Variants in DCC observed in about 807,000 individuals in gnomAD.
The protein encoded by DCC is netrin receptor DCC.
Under a neutral mutation model 172.5 loss-of-function variants are expected in DCC, and 58 were observed. That is an observed-to-expected ratio of 0.34 (90% CI 0.27 to 0.42). The LOEUF is 0.42. Ranked by LOEUF, DCC falls within the 10% of genes least tolerant of loss-of-function variation. The pLI is 1.00. For synonymous variants in DCC, 709 were observed against 644.5 expected (o/e 1.10, Z -1.52); for missense variants, 1,740 against 1,791.0 (o/e 0.97, Z 0.51).
At chr18:52,710,951 G>C in intron 1 of DCC, among the ~76,000 whole-genome samples, 1 of 152,310 alleles carries the variant, frequency 6.6e-6, no homozygotes, top group South Asian at 2.1e-4. Flanking sequence ...TGGGAATTAA[G>C]GCTTACAGAG....
chr18:53,118,487 C>T (rs570345264), intron 7 of DCC, among the ~76,000 whole-genome samples: 4 of 151,792 alleles, frequency 2.6e-5, no homozygotes, highest in Admixed American at 6.6e-5. Flanking sequence ...GTTTCACTGA[C>T]GATTGCCCTT....
chr18:53,366,431 A>C (rs1367464441), intron 15 of DCC, among the ~76,000 whole-genome samples: 1 of 152,144 alleles, frequency 6.6e-6, no homozygotes, highest in Non-Finnish European at 1.5e-5. Flanking sequence ...AATCATTTTA[A>C]GTTCTTACTA....
chr18:52,855,440 T>A (rs1048531626), intron 2 of DCC, among the ~76,000 whole-genome samples: 3 of 152,250 alleles, frequency 2.0e-5, no homozygotes, highest in Non-Finnish European at 4.4e-5. Context: ...AATGCTGTTT[T>A]AATTAATAAC....
chr18:53,352,374 T>C (rs1279058150), intron 15 of DCC, among the ~76,000 whole-genome samples: 9 of 152,106 alleles, frequency 5.9e-5, no homozygotes. Context: ...GATTTGTGTG[T>C]TTTTCCTTTT....
At chr18:53,304,858 G>C (rs376596329) in intron 12 of DCC, among the ~76,000 whole-genome samples, 1 of 152,022 alleles carries the variant, frequency 6.6e-6, no homozygotes, top group Non-Finnish European at 1.5e-5. Flanking sequence ...CCTATGATAC[G>C]GTTTGACTGT....
At chr18:53,061,958 T>A (rs1021262528) in intron 5 of DCC, among the ~76,000 whole-genome samples, 3 of 152,120 alleles carry the variant, frequency 2.0e-5, no homozygotes, top group African/African-American at 7.2e-5. Flanking sequence ...TGGAACTGTT[T>A]CCATATATTC....
At chr18:53,236,020 C>G (rs983788379) in intron 12 of DCC, among the ~76,000 whole-genome samples, 1 of 152,000 alleles carries the variant, frequency 6.6e-6, no homozygotes, top group Non-Finnish European at 1.5e-5. Context: ...GTTTCCATTT[C>G]AAGGATATTA....
intron 1 of DCC, among the ~76,000 whole-genome samples, chr18:52,746,662 A>T (rs2036909660): frequency 6.6e-6 from 1 of 152,194 alleles, no homozygotes; most frequent in Non-Finnish European, 1.5e-5. Context: ...TATTTGTACT[A>T]TTTGATCATT....
intron 1 of DCC, among the ~76,000 whole-genome samples, chr18:52,676,556 A>G (rs2035649903): frequency 6.6e-6 from 1 of 152,170 alleles, no homozygotes; most frequent in African/African-American, 2.4e-5. Context: ...TTACTTTTCA[A>G]GTGATTAAAT....
chr18:53,437,896 C>G (rs1196595052), intron 22 of DCC, among the ~76,000 whole-genome samples: 49 of 152,100 alleles, frequency 3.2e-4, no homozygotes, highest in Admixed American at 3.2e-3. Flanking sequence ...GACCAATACA[C>G]CAAGAGGGTT....
intron 1 of DCC, among the ~76,000 whole-genome samples, chr18:52,485,930 G>A (rs960878353): frequency 6.6e-6 from 1 of 151,846 alleles, no homozygotes; most frequent in Non-Finnish European, 1.5e-5. Context: ...GATAAAAAAA[G>A]CATGCAGAAA....
intron 18 of DCC, among the ~76,000 whole-genome samples, chr18:53,402,397 A>T (rs60013458): frequency 0.062 from 7,888 of 127,852 alleles, 618 homozygotes; most frequent in East Asian, 0.18. Flanking sequence ...CTCAAAAAAA[A>T]AAAAAAATAA....
intron 2 of DCC, among the ~76,000 whole-genome samples, chr18:52,894,834 C>A (rs1347144911): frequency 6.6e-6 from 1 of 152,106 alleles, no homozygotes; most frequent in Non-Finnish European, 1.5e-5. Flanking sequence ...TAAAGCCCAC[C>A]CACACTGGGG....
chr18:52,756,646 C>T (rs1259224716), intron 2 of DCC, among the ~76,000 whole-genome samples: 1 of 152,230 alleles, frequency 6.6e-6, no homozygotes, highest in African/African-American at 2.4e-5. Flanking sequence ...AGCATTTCTT[C>T]ATTCCTTCCC....
At chr18:52,417,494 CA>C (rs1435497747) in intron 1 of DCC, among the ~76,000 whole-genome samples, 1 of 152,186 alleles carries the variant, frequency 6.6e-6, no homozygotes, top group Non-Finnish European at 1.5e-5. Context: ...TTCTCCCCGT[CA>C]CTTTCAGGTG....
chr18:53,147,064 T>A (rs2043926406), intron 7 of DCC, among the ~76,000 whole-genome samples: 1 of 152,212 alleles, frequency 6.6e-6, no homozygotes, highest in Non-Finnish European at 1.5e-5. Context: ...ATATAATGTG[T>A]TTTATTAATC....
At chr18:52,408,935 C>T (rs3862683) in intron 1 of DCC, 101,477 of 151,834 alleles carry the variant, frequency 0.67, 34,134 homozygotes, top group Non-Finnish European at 0.69. Context: ...AACTACAAGG[C>T]TCATGTCATC....
chr18:53,492,378 C>T (rs1244969733), intron 26 of DCC, among the ~76,000 whole-genome samples: 1 of 152,066 alleles, frequency 6.6e-6, no homozygotes, highest in East Asian at 1.9e-4. Flanking sequence ...GAAGTCTTTT[C>T]CCGTGCTTAT....
chr18:52,769,470 G>A (rs1358814670), intron 2 of DCC, among the ~76,000 whole-genome samples: 2 of 152,112 alleles, frequency 1.3e-5, no homozygotes, highest in East Asian at 1.9e-4. Context: ...TTTGGTTTGA[G>A]AGTCCTTTAT....
Sources: allele counts gnomAD v4.1 joint callset (sites outside exome capture counted in the v4.1 genomes callset), GRCh38; gene constraint gnomAD v4.1.1; transcripts MANE v1.5; gene names NCBI Gene and HGNC (gene_info 2026-07-23, HGNC 2026-07-21).